SLC25A45: variants seen among roughly 807,000 people sequenced by gnomAD.
SLC25A45 encodes methylated amino-acid transporter SLC25A45.
SLC25A45 carries 22 observed loss-of-function variants against 23.0 expected under a neutral mutation model. That is an observed-to-expected ratio of 0.95 (90% CI 0.68 to 1.36). The LOEUF (loss-of-function observed/expected upper bound fraction) is 1.36. Among genes scored for constraint, SLC25A45 ranks in the 40% most tolerant of loss-of-function variants. SLC25A45 has a pLI of 0.00. For missense variants in SLC25A45, 355 were observed against 383.5 expected (o/e 0.93, Z 0.62); for synonymous variants, 136 against 155.0 (o/e 0.88, Z 0.91).
chr11:65,380,857 G>A (rs947332876), intron 2 of SLC25A45: 9 of 300,974 alleles, frequency 3.0e-5, no homozygotes, highest in Non-Finnish European at 5.4e-5. Context: ...CCGGGACTGC[G>A]GCCCACAGCC....
chr11:65,379,280 C>T, intron 5 of SLC25A45, 96 bp downstream of exon 5: 1 of 1,444,348 alleles, frequency 6.9e-7, no homozygotes, highest in Non-Finnish European at 9.5e-7. Flanking sequence ...AGGCCTATGC[C>T]TCCACAGCTG....
chr11:65,382,043 A>G lies in SLC25A45; in HGVS notation c.-18-74T>C. The G allele has an allele frequency of 9.1e-7, 1 of 1,100,324 alleles. No individual in the cohort carries two copies. The highest frequency in any genetic ancestry group is 1.4e-6 in the Non-Finnish European group (1 of 713,360). The allele number at this position is 1,100,324 out of a possible 1,614,324, so 68.2% of individuals were successfully genotyped here. On this transcript the variant is annotated intron_variant, in intron 1 of 6. Coordinates refer to ENST00000398802, the MANE Select transcript of SLC25A45 (RefSeq NM_182556.4). The surrounding 1 kb of genome is among the most constrained non-coding windows in gnomAD (Gnocchi z 4.4). ...CCCTGGCCCACGCTGATAACCTCCC[A>G]CTAATGTTTAACCCTGGCGGGAAGG...
rs202024905 is a variant in SLC25A45, at chr11:65,376,386, C to G, written c.*21G>C. On this transcript the variant is annotated 3_prime_UTR_variant, in exon 7 of 7. Transcript: ENST00000398802. ...TCCAGGCCGTGGGCCTGATGGGGAG[C>G]TGCTGGCATTGCCGCAGGGCTCATC... 252 of 1,606,510 alleles carry G rather than the reference C, an allele frequency of 1.6e-4. No individual in the cohort carries two copies. The African/African-American group carries it at 3.1e-3, about 20-fold the overall frequency.
rs565578994 is a variant in SLC25A45, at chr11:65,382,396, G to A, written c.-19+90C>T. On this transcript the variant is annotated intron_variant, in intron 1 of 6. Transcript: ENST00000398802. This position sits in a 1 kb window ranked among gnomAD's most constrained non-coding sequence, Gnocchi z 4.4. ...CATGCCACAGAGAGAGGCCGGGTGC[G>A]GAGGTAGCGTGGCCACCAGGGGGTA... is the stretch of plus-strand genomic sequence containing the variant. 4.2e-4 allele frequency: 87 copies of A among 207,552 alleles called. No individual in the cohort carries two copies. Among genetic ancestry groups the A allele is most frequent in the Non-Finnish European group, 7.6e-4 (75 of 98,510 alleles). The allele number at this position is 207,552 out of a possible 1,614,324, so 12.9% of individuals were successfully genotyped here. A position where few individuals can be genotyped will look rare whatever the true frequency, so the allele number is the denominator to read the frequency against.
intron 4 of SLC25A45, 121 bp from the exon 5 acceptor site, chr11:65,379,682 G>T (rs946298717): frequency 1.6e-6 from 2 of 1,265,560 alleles, no homozygotes; most frequent in Admixed American, 4.7e-5. Context: ...AGGGAAGTGG[G>T]GACAGGCAGG....
chr11:65,377,055 C>T lies in SLC25A45; in HGVS notation c.361G>A (p.Asp121Asn), dbSNP rs1855248217. The change falls in exon 6 of 7, where the codon GAC becomes AAC. Residue 121 changes from aspartate to asparagine, a missense_variant. By Grantham distance (23) the Asp-to-Asn change is conservative. Coordinates refer to ENST00000398802, the MANE Select transcript of SLC25A45 (RefSeq NM_182556.4). ...TTTTGTAGCCGGACTTTGATGAGGT[C>T]AAAAGGAGCCAGACAGTAGGCCTGT... ...FLQAYCLAPFDLIKVRLQNQT... is the reference protein window; with the variant it reads ...FLQAYCLAPFNLIKVRLQNQT... The T allele has an allele frequency of 6.2e-7, 1 of 1,613,802 alleles. No individual in the cohort carries two copies. The highest frequency in any genetic ancestry group is 8.5e-7 in the Non-Finnish European group (1 of 1,179,918).
rs374565463 is a variant in SLC25A45 at position 65,380,126 on chromosome 11, A to G, written c.81+6T>C. On this transcript the variant is annotated splice_donor_region_variant and intron_variant, in intron 3 of 6. Transcript: ENST00000398802. ...TTCATTCCTCTGGCAGCTCTCCTAA[A>G]CTCACCTTTACAGTGTCAAACGGGT... 6.2e-7 allele frequency: 1 copy of G among 1,613,606 alleles called. No individual in the cohort carries two copies. The highest frequency in any genetic ancestry group is 1.3e-5 in the African/African-American group (1 of 74,878).
intron 3 of SLC25A45, 73 bp downstream of exon 3, chr11:65,380,059 C>A (rs769976271): frequency 1.3e-6 from 2 of 1,580,670 alleles, no homozygotes; most frequent in Non-Finnish European, 8.7e-7. Context: ...ATTAGCCAGG[C>A]CTGATCTCAG....
At chr11:65,379,209 C>T in intron 5 of SLC25A45, 167 bp downstream of exon 5, 1 of 733,870 alleles carries the variant, frequency 1.4e-6, no homozygotes, top group Non-Finnish European at 2.2e-6. Context: ...TTCCCCACAG[C>T]CCTCCCCCAG....
intron 5 of SLC25A45, chr11:65,379,163 C>T (rs1855388951): frequency 3.4e-6 from 2 of 586,894 alleles, no homozygotes; most frequent in Non-Finnish European, 3.0e-6. Flanking sequence ...CCTCTTGGCA[C>T]TGCCCACCAG....
chr11:65,377,338 C>T, intron 5 of SLC25A45: 1 of 1,343,858 alleles, frequency 7.4e-7, no homozygotes, highest in Non-Finnish European at 9.5e-7. Context: ...CTTGCCTGGC[C>T]TACAGCAGGC....
rs181818689 is a variant in SLC25A45, at chr11:65,380,161, C to T, written c.52G>A (p.Val18Ile). The stretch of plus-strand genomic sequence containing the variant: ...ACAGTGTCAAACGGGTGTCCCAGGA[C>T]CAAGCCCAGAGCGCCTGTGGTGACA... ...AGWISGALGLVLGHPFDTVKV... is the reference protein window; with the variant it reads ...AGWISGALGLILGHPFDTVKV... The change falls in exon 3 of 7, where the codon GTC becomes ATC. Residue 18 changes from valine to isoleucine, a missense_variant. Physicochemically the swap from Val to Ile is conservative, Grantham distance 29. Transcript: ENST00000398802. 5.0e-6 allele frequency: 8 copies of T among 1,614,188 alleles called. No homozygotes were observed. In the South Asian group the frequency reaches 8.8e-5, roughly 18 times the overall value.
chr11:65,376,609 A>C lies in SLC25A45; in HGVS notation c.665T>G (p.Leu222Ter). The part of the protein sequence containing the change: ...GIASWVAATP[L>*]DMIKSRMQMD... ...CTGCATCCGGGACTTGATCATGTCT[A>C]AGGGCGTGGCTGCCACCCAGGAAGC... Residue 222 changes from leucine (L) to a stop codon, truncating the protein, a stop_gained, in exon 7 of 7, where the codon TTA becomes TGA. Coordinates refer to ENST00000398802, the MANE Select transcript of SLC25A45 (RefSeq NM_182556.4). LOFTEE classifies it high-confidence loss of function. 6.2e-7 allele frequency: 1 copy of C among 1,614,100 alleles called. No homozygotes were observed. The highest frequency in any genetic ancestry group is 8.5e-7 in the Non-Finnish European group (1 of 1,179,990).
At chr11:65,379,784 C>A (rs528852939) in intron 4 of SLC25A45, 83 bp downstream of exon 4, 3 of 1,548,164 alleles carry the variant, frequency 1.9e-6, no homozygotes, top group African/African-American at 2.7e-5. Flanking sequence ...AGGAGCAGAA[C>A]CCTGCTGGAG....
Position 65,379,386 on chromosome 11 carries a change from C to A in SLC25A45, c.329G>T (p.Gly110Val). 1 of 1,609,762 alleles carries A rather than the reference C, an allele frequency of 6.2e-7. No homozygotes were observed. Among genetic ancestry groups the A allele is most frequent in the Non-Finnish European group, 8.5e-7 (1 of 1,179,874 alleles). The change falls in exon 5 of 7, where the codon GGG becomes GTG. Residue 110 changes from glycine to valine, a missense_variant. Gly to Val is a moderately radical substitution (Grantham distance 109). Coordinates refer to ENST00000398802, the MANE Select transcript of SLC25A45 (RefSeq NM_182556.4). ...TCACTGCCCCCTCACCTGCAGGAAC[C>A]CCCCGGTGCAGCCCGCTAGGAAGAT... Reference protein sequence around the residue: ...MHIFLAGCTGGFLQAYCLAPF... With the variant: ...MHIFLAGCTGVFLQAYCLAPF...
At position 65,376,033 on chromosome 11, in the gene SLC25A45, G is replaced by T; in HGVS notation, c.*374C>A. On this transcript the variant is annotated 3_prime_UTR_variant, in exon 7 of 7. Transcript: ENST00000398802. ...TGCAGTGAGCCGAGATCACGCCACT[G>T]CATTCCAGCCTGGGTGACAGAGAAA... 4.6e-6 allele frequency: 1 copy of T among 218,634 alleles called. No homozygotes were observed. Among genetic ancestry groups the T allele is most frequent in the South Asian group, 6.7e-5 (1 of 14,954 alleles). The allele number at this position is 218,634 out of a possible 1,614,324, so 13.5% of individuals were successfully genotyped here.
At chr11:65,380,512 G>C (rs753787360) in intron 2 of SLC25A45, 7 of 1,390,688 alleles carry the variant, frequency 5.0e-6, no homozygotes, top group Non-Finnish European at 6.6e-6. Flanking sequence ...CGGGACTCTG[G>C]GAGAATCACC....
intron 5 of SLC25A45, chr11:65,377,484 C>A: frequency 1.1e-6 from 1 of 911,624 alleles, no homozygotes; most frequent in Non-Finnish European, 1.3e-6. Context: ...AGCAAAGAAA[C>A]CACCCTTTCC....
In SLC25A45 at chr11:65,379,437, C is replaced by G. The variant is rs753412095; in HGVS notation, c.278G>C (p.Arg93Pro). The change falls in exon 5 of 7, where the codon CGG (arginine) becomes CCG (proline). Residue 93 changes from arginine to proline, a missense_variant. Transcript: ENST00000398802. ...GTGCATGTAGCTGGGCGGCTGGGCC[C>G]GCCGCTCCTGGTGGGAGGTGGCCGT... Reference protein sequence around the residue: ...VLTATSHQERRAQPPSYMHIF... With the variant: ...VLTATSHQERPAQPPSYMHIF... The G allele has an allele frequency of 1.2e-5, 20 of 1,613,724 alleles. No individual in the cohort carries two copies. The highest frequency in any genetic ancestry group is 3.3e-4 in the Middle Eastern group (2 of 6,060).
Sources: gnomAD v4.1 joint callset for allele counts on GRCh38, gnomAD v4.1.1 for gene constraint, Gnocchi (gnomAD v3.1) non-coding constraint, MANE v1.5 for transcripts, NCBI Gene and HGNC (gene_info 2026-07-23, HGNC 2026-07-21) for gene names.